TBCD: variants seen among roughly 807,000 people sequenced by gnomAD.
TBCD encodes tubulin-specific chaperone D.
In TBCD, 105 loss-of-function variants were observed where a neutral mutation model predicts 169.3. The observed-to-expected ratio is 0.62, with a 90% CI of 0.53 to 0.73. TBCD has a LOEUF of 0.73. TBCD is among the 30% of genes least tolerant of loss of function. The pLI is 0.00. For missense variants in TBCD, 1,444 were observed against 1,600.1 expected (o/e 0.90, Z 1.66); for synonymous variants, 700 against 643.9 (o/e 1.09, Z -1.32).
intron 23 of TBCD, among the ~76,000 whole-genome samples, chr17:82,912,812 G>A (rs921671689): frequency 3.3e-5 from 5 of 152,250 alleles, no homozygotes; most frequent in East Asian, 1.9e-4. Flanking sequence ...CAGGCTGGCC[G>A]GGCTTCTGTA....
intron 34 of TBCD, among the ~76,000 whole-genome samples, chr17:82,936,218 C>T (rs192401587): frequency 4.9e-4 from 75 of 152,330 alleles, no homozygotes; most frequent in Admixed American, 4.3e-3. Context: ...ACCTTTGGCC[C>T]GCCTGCCAGC....
chr17:82,906,958 C>A (rs1022348875), intron 20 of TBCD, among the ~76,000 whole-genome samples: 1 of 152,330 alleles, frequency 6.6e-6, no homozygotes, highest in Non-Finnish European at 1.5e-5. Context: ...GTCCTCCAGT[C>A]GGGTCCCACA....
At chr17:82,907,139 G>A (rs1470844756) in intron 20 of TBCD, among the ~76,000 whole-genome samples, 1 of 152,262 alleles carries the variant, frequency 6.6e-6, no homozygotes, top group Non-Finnish European at 1.5e-5. Flanking sequence ...AGGTGCCAGC[G>A]TAAAGCACAC....
Position 82,752,393 on chromosome 17 carries a change from C to A in TBCD, c.184+16C>A. The A allele has an allele frequency of 8.2e-7, 1 of 1,224,116 alleles. No individual in the cohort carries two copies. The highest frequency in any genetic ancestry group is 3.7e-5 in the South Asian group (1 of 26,960). The allele number at this position is 1,224,116 out of a possible 1,614,324, so 75.8% of individuals were successfully genotyped here. A position where few individuals can be genotyped will look rare whatever the true frequency, so the allele number is the denominator to read the frequency against. ...CGGTTCCGCGGTGCGTGGGCGGCGC[C>A]GCGTGCCCGCTTCCTCCCCCGGCCC... On this transcript the variant is annotated intron_variant, in intron 1 of 38. Transcript: ENST00000355528.
intron 14 of TBCD, among the ~76,000 whole-genome samples, chr17:82,882,846 G>T (rs2058456120): frequency 6.6e-6 from 1 of 152,250 alleles, no homozygotes. Context: ...CATGTGCATT[G>T]TGGCTGGCAG....
At chr17:82,809,579 C>T in intron 11 of TBCD, 129 bp from the exon 12 acceptor site, 1 of 965,402 alleles carries the variant, frequency 1.0e-6, no homozygotes, top group Non-Finnish European at 1.6e-6. Context: ...GCGGGCTTGC[C>T]TGGAGTTGGC....
intron 2 of TBCD, among the ~76,000 whole-genome samples, chr17:82,758,400 A>ATAAAATAAATAAAT (rs1555672640): frequency 7.0e-5 from 7 of 100,060 alleles, no homozygotes; most frequent in African/African-American, 2.5e-4. Flanking sequence ...AAAAAAAAAA[A>ATAAAATAAATAAAT]AAATAAATAA....
intron 17 of TBCD, among the ~76,000 whole-genome samples, chr17:82,895,113 G>A (rs1023382647): frequency 5.3e-5 from 8 of 152,228 alleles, no homozygotes; most frequent in African/African-American, 9.7e-5. Flanking sequence ...AGCTGTGTGC[G>A]TTTTATAAAA....
At chr17:82,838,532 T>A (rs2054180276) in intron 13 of TBCD, 1 of 538,978 alleles carries the variant, frequency 1.9e-6, no homozygotes, top group South Asian at 8.1e-5. Context: ...AAGGGCATGC[T>A]GTAATTACAA....
chr17:82,814,890 A>G lies in TBCD; in HGVS notation c.1274A>G (p.Glu425Gly), dbSNP rs1232692949. Residue 425 changes from glutamate (E) to glycine (G), a missense_variant, in exon 13 of 39, where the codon GAG becomes GGG. Transcript: ENST00000355528. ...CATGGGGGATGTCTGGCGCTGGCAG[A>G]GCTGGGCAGGAGAGGCCTGTTGCTG... ...AWHGGCLALA[E>G]LGRRGLLLPS... 1 of 1,612,796 alleles carries G rather than the reference A, an allele frequency of 6.2e-7. No individual in the cohort carries two copies. Among genetic ancestry groups the G allele is most frequent in the East Asian group, 2.2e-5 (1 of 44,820 alleles).
intron 30 of TBCD, among the ~76,000 whole-genome samples, chr17:82,928,499 A>G (rs1443216885): frequency 6.7e-6 from 1 of 149,826 alleles, no homozygotes; most frequent in Non-Finnish European, 1.5e-5. Flanking sequence ...GGGGGCACTG[A>G]GTCATGGAGG....
Position 82,930,783 on chromosome 17 carries a change from C to CACA in TBCD, c.3113+140_3113+141insACA. On this transcript the variant is annotated intron_variant, in intron 33 of 38. Coordinates refer to ENST00000355528, the MANE Select transcript of TBCD (RefSeq NM_005993.5). The surrounding 1 kb of genome is among the most constrained non-coding windows in gnomAD (Gnocchi z 5.2). Reference sequence around the variant, plus strand: ...AGACACACGCTGTACCAGTTGGTGGCTCAGCGAGGAAGATGTGCCTGCAGC... The same window carrying CACA: ...AGACACACGCTGTACCAGTTGGTGGCACATCAGCGAGGAAGATGTGCCTGCAGC... 7.3e-7 allele frequency: 1 copy of CACA among 1,364,326 alleles called. No homozygotes were observed. Among genetic ancestry groups the CACA allele is most frequent in the Non-Finnish European group, 9.9e-7 (1 of 1,007,812 alleles). The allele number at this position is 1,364,326 out of a possible 1,614,324, so 84.5% of individuals were successfully genotyped here.
chr17:82,759,545 C>T (rs930317206), intron 2 of TBCD, among the ~76,000 whole-genome samples: 6 of 152,094 alleles, frequency 3.9e-5, no homozygotes, highest in Non-Finnish European at 8.8e-5. Flanking sequence ...AGGCTGGTCT[C>T]GAACTTCTGG....
chr17:82,764,514 A>G (rs2047928389), intron 3 of TBCD, among the ~76,000 whole-genome samples: 1 of 152,132 alleles, frequency 6.6e-6, no homozygotes, highest in African/African-American at 2.4e-5. Flanking sequence ...GCTTGGTGGC[A>G]CATGACTGTA....
At position 82,854,016 on chromosome 17, in the gene TBCD, G is replaced by A. The variant is rs183754327; in HGVS notation, c.1319-16208G>A. ...TGTTTCCTGTGTTTCTTCAGGGGTCGTATTCAGCTTGTACCACGAATATTC... is the reference window on the plus strand; with the variant it reads ...TGTTTCCTGTGTTTCTTCAGGGGTCATATTCAGCTTGTACCACGAATATTC... On this transcript the variant is annotated intron_variant, in intron 13 of 38. Transcript: ENST00000355528. Among the ~76,000 whole-genome samples the A allele has an allele frequency of 3.9e-5, 6 of 152,072 alleles. No homozygotes were observed. In the South Asian group the frequency reaches 6.2e-4, roughly 16 times the overall value.
intron 4 of TBCD, among the ~76,000 whole-genome samples, chr17:82,767,351 AATGATTGCAGGGAC>A (rs2048065414): frequency 6.6e-6 from 1 of 152,092 alleles, no homozygotes; most frequent in African/African-American, 2.4e-5. Flanking sequence ...CCCCCAGTGG[AATGATTGCAGGGAC>A]AAATTGGGAT....
chr17:82,754,678 T>C (rs571707827), intron 1 of TBCD, among the ~76,000 whole-genome samples: 1 of 152,334 alleles, frequency 6.6e-6, no homozygotes, highest in East Asian at 1.9e-4. Context: ...ACTAAAGGCA[T>C]GAGGGGGTTG....
At chr17:82,896,284 T>C (rs1162013441) in intron 17 of TBCD, among the ~76,000 whole-genome samples, 1 of 151,902 alleles carries the variant, frequency 6.6e-6, no homozygotes. Flanking sequence ...GGGCCAGGGG[T>C]GTGGTACGTG....
At chr17:82,787,110 G>A (rs1473433636) in intron 7 of TBCD, among the ~76,000 whole-genome samples, 54 of 152,108 alleles carry the variant, frequency 3.6e-4, no homozygotes, top group Admixed American at 3.5e-3. Flanking sequence ...CCTTCCTCCC[G>A]AGGTGTAAAA....
Sources: gnomAD v4.1 joint callset for allele counts (sites outside exome capture counted in the v4.1 genomes callset) on GRCh38, gnomAD v4.1.1 for gene constraint, Gnocchi (gnomAD v3.1) non-coding constraint, MANE v1.5 for transcripts, NCBI Gene and HGNC (gene_info 2026-07-23, HGNC 2026-07-21) for gene names.